Variants in TENM2 observed in about 807,000 individuals in gnomAD.
TENM2 encodes the protein teneurin-2.
In TENM2, 52 loss-of-function variants were observed where a neutral mutation model predicts 245.2. The ratio of observed to expected loss-of-function variants is 0.21; its 90% confidence interval spans 0.17 to 0.27. The LOEUF (loss-of-function observed/expected upper bound fraction) is 0.27. Among genes scored for constraint, TENM2 ranks in the 10% least tolerant of loss-of-function variants. The pLI is 1.00. For synonymous variants in TENM2, 1,363 were observed against 1,438.9 expected, an observed-to-expected ratio of 0.95 and a Z score of 1.19; for missense variants, 3,046 against 3,666.8, an observed-to-expected ratio of 0.83 and a Z score of 4.37.
At chr5:168,152,202 A>G (rs907860663) in intron 12 of TENM2, among the ~76,000 whole-genome samples, 1 of 152,266 alleles carries the variant, frequency 6.6e-6, no homozygotes, top group African/African-American at 2.4e-5. Context: ...TGCCAGGCAC[A>G]GAGAAATGTC....
chr5:167,674,163 A>G (rs927827035), intron 2 of TENM2, among the ~76,000 whole-genome samples: 1 of 152,158 alleles, frequency 6.6e-6, no homozygotes, highest in African/African-American at 2.4e-5. Context: ...GACGTTGAAT[A>G]GCTGCCTCCA....
At chr5:167,661,105 A>G (rs1033913340) in intron 2 of TENM2, among the ~76,000 whole-genome samples, 2 of 152,194 alleles carry the variant, frequency 1.3e-5, no homozygotes, top group Admixed American at 6.5e-5. Context: ...TGCACTGAGC[A>G]TGTACCTTAT....
chr5:167,436,581 C>A (rs1426959591), intron 2 of TENM2, among the ~76,000 whole-genome samples: 1 of 152,204 alleles, frequency 6.6e-6, no homozygotes, highest in Non-Finnish European at 1.5e-5. Flanking sequence ...TAATGTTAAT[C>A]TCCAAGGCAA....
intron 8 of TENM2, among the ~76,000 whole-genome samples, chr5:168,095,918 C>G (rs1793329174): frequency 6.6e-6 from 1 of 152,164 alleles, no homozygotes; most frequent in African/African-American, 2.4e-5. Flanking sequence ...AGCCCCAGTT[C>G]CCTCAGAGTA....
chr5:167,691,989 A>T (rs1426239855), intron 2 of TENM2, among the ~76,000 whole-genome samples: 1 of 152,068 alleles, frequency 6.6e-6, no homozygotes, highest in Non-Finnish European at 1.5e-5. Context: ...GCGGGAGAGG[A>T]GTACCTCCTT....
At chr5:167,884,571 TC>T (rs1480755252) in intron 3 of TENM2, among the ~76,000 whole-genome samples, 1 of 152,196 alleles carries the variant, frequency 6.6e-6, no homozygotes, top group Non-Finnish European at 1.5e-5. Flanking sequence ...AGCATGTAAT[TC>T]TACAGGACAG....
intron 2 of TENM2, among the ~76,000 whole-genome samples, chr5:167,799,450 G>T (rs1370511312): frequency 6.6e-6 from 1 of 152,086 alleles, no homozygotes; most frequent in Non-Finnish European, 1.5e-5. Flanking sequence ...TACTTTTCTG[G>T]TGATGACATA....
intron 1 of TENM2, among the ~76,000 whole-genome samples, chr5:167,291,701 A>C (rs556393375): frequency 6.6e-6 from 1 of 152,348 alleles, no homozygotes; most frequent in African/African-American, 2.4e-5. Context: ...GATAGCTTAC[A>C]GTGAGTGCCT....
At chr5:168,005,153 G>A (rs1327729257) in intron 5 of TENM2, among the ~76,000 whole-genome samples, 1 of 152,188 alleles carries the variant, frequency 6.6e-6, no homozygotes, top group Non-Finnish European at 1.5e-5. Flanking sequence ...CTGACCCACA[G>A]TGATATCCAT....
chr5:167,771,857 G>A (rs1033398350), intron 2 of TENM2, among the ~76,000 whole-genome samples: 4 of 152,148 alleles, frequency 2.6e-5, no homozygotes, highest in Admixed American at 6.5e-5. Flanking sequence ...TTTTTGATTC[G>A]CTGGTTCCAG....
the TENM2 span, among the ~76,000 whole-genome samples, chr5:167,215,838 T>C: frequency 1.3e-5 from 2 of 152,246 alleles, no homozygotes; most frequent in Non-Finnish European, 2.9e-5. Context: ...CTTTCCTTGT[T>C]ACTACTTAAT....
chr5:168,190,696 T>TGC (rs1760879242), intron 14 of TENM2, 149 bp downstream of exon 16: 1 of 631,458 alleles, frequency 1.6e-6, no homozygotes, highest in Non-Finnish European at 2.8e-6. Context: ...CTCAGAGAAG[T>TGC]GCCCTTTCCT....
At chr5:167,957,363 CT>C (rs759562679) in intron 4 of TENM2, among the ~76,000 whole-genome samples, 3 of 152,136 alleles carry the variant, frequency 2.0e-5, no homozygotes, top group Non-Finnish European at 4.4e-5. Flanking sequence ...ATTCTTCTCT[CT>C]TTTCTTCTTT....
intron 3 of TENM2, among the ~76,000 whole-genome samples, chr5:167,936,325 A>G (rs1019478059): frequency 6.6e-6 from 1 of 152,238 alleles, no homozygotes; most frequent in Non-Finnish European, 1.5e-5. Context: ...ACAGCTTGCA[A>G]TAGATCACAT....
intron 12 of TENM2, among the ~76,000 whole-genome samples, chr5:168,158,453 T>C (rs1456926456): frequency 2.6e-5 from 4 of 152,104 alleles, no homozygotes; most frequent in Non-Finnish European, 4.4e-5. Context: ...GGCCAAGCTC[T>C]GGGATCCAAC....
At chr5:167,347,524 T>A (rs948490957) in intron 1 of TENM2, among the ~76,000 whole-genome samples, 4 of 152,336 alleles carry the variant, frequency 2.6e-5, no homozygotes, top group Non-Finnish European at 4.4e-5. Flanking sequence ...ATTTGTCATC[T>A]GCCATGTCCC....
intron 2 of TENM2, among the ~76,000 whole-genome samples, chr5:167,750,094 G>C (rs1561736712): frequency 1.3e-5 from 2 of 152,112 alleles, no homozygotes; most frequent in African/African-American, 4.8e-5. Flanking sequence ...TATCTTCGGG[G>C]AATGTTAATG....
intron 2 of TENM2, among the ~76,000 whole-genome samples, chr5:167,572,343 A>T (rs62382791): frequency 6.6e-6 from 1 of 151,988 alleles, no homozygotes; most frequent in African/African-American, 2.4e-5. Flanking sequence ...GGGTCCGGGG[A>T]TATGTTGTTG....
intron 2 of TENM2, among the ~76,000 whole-genome samples, chr5:167,534,164 A>G (rs775306106): frequency 6.6e-6 from 1 of 152,212 alleles, no homozygotes; most frequent in African/African-American, 2.4e-5. Flanking sequence ...CCAAGTGTCA[A>G]ATGAGGATTA....
Sources: gnomAD v4.1 joint callset for allele counts (sites outside exome capture counted in the v4.1 genomes callset) on GRCh38, gnomAD v4.1.1 for gene constraint, MANE v1.5 for transcripts, NCBI Gene and HGNC (gene_info 2026-07-23, HGNC 2026-07-21) for gene names.